Variants in ITPRIPL2 observed in about 807,000 individuals in gnomAD.
The protein encoded by ITPRIPL2 is ITPRIP like 2, also known as inositol 1,4,5-trisphosphate receptor-interacting protein-like 2.
Under a neutral mutation model 31.7 loss-of-function variants are expected in ITPRIPL2, and 29 were observed. The observed-to-expected ratio is 0.91, with a 90% CI of 0.68 to 1.25. ITPRIPL2 has a LOEUF of 1.25. Among genes scored for constraint, ITPRIPL2 ranks in the 50% most tolerant of loss-of-function variants. The pLI is 0.00. For missense variants in ITPRIPL2, 696 were observed against 739.1 expected (o/e 0.94, Z 0.68); for synonymous variants, 344 against 343.4 (o/e 1.00, Z -0.02).
rs753915819 is a variant in ITPRIPL2 at position 19,114,702 on chromosome 16, C to T, written c.241C>T (p.Leu81=). The T allele has an allele frequency of 3.7e-6, 6 of 1,612,630 alleles. No homozygotes were observed. The highest frequency in any genetic ancestry group is 1.3e-5 in the African/African-American group (1 of 74,940). The change falls in exon 1 of 1, where the codon CTG becomes TTG. Residue 81 remains leucine (L), a synonymous_variant. Coordinates refer to ENST00000381440, the MANE Select transcript of ITPRIPL2 (RefSeq NM_001034841.4). Reference sequence around the variant, plus strand: ...GCGCTTCCTGCCCGGGTCTCCCCGTCTGGAGGGTCACGCCGCCTTCTCCTC... The same window carrying T: ...GCGCTTCCTGCCCGGGTCTCCCCGTTTGGAGGGTCACGCCGCCTTCTCCTC... ...RQRFLPGSPR[L]EGHAAFSSRH... is the part of the protein sequence containing the mutation.
Position 19,119,125 on chromosome 16 carries a change from C to T in ITPRIPL2, c.*3056C>T, listed in dbSNP as rs916899770. On this transcript the variant is annotated 3_prime_UTR_variant, in exon 1 of 1. Coordinates refer to ENST00000381440, the MANE Select transcript of ITPRIPL2 (RefSeq NM_001034841.4). ...ACTCCCACTGACCAGTCTTGGGAGC[C>T]TTCCTGGAATGATCGTGGGCTGAGC... 4.8e-6 allele frequency: 2 copies of T among 413,306 alleles called. No individual in the cohort carries two copies. The highest frequency in any genetic ancestry group is 2.1e-5 in the African/African-American group (1 of 48,596). 25.6% of individuals were successfully genotyped at this position (413,306 alleles called of 1,614,324 possible). A position where few individuals can be genotyped will look rare whatever the true frequency, so the allele number is the denominator to read the frequency against.
rs914419484 is a variant in ITPRIPL2 at position 19,121,097 on chromosome 16, C to T, written c.*5028C>T. ...TTAGATACAACTTTATTTTTTTATA[C>T]CTACATAGCACATGACTGGGGGGAT... On this transcript the variant is annotated 3_prime_UTR_variant, in exon 1 of 1. Transcript: ENST00000381440. 1 of 165,608 alleles carries T rather than the reference C, an allele frequency of 6.0e-6. No individual in the cohort carries two copies. Among genetic ancestry groups the T allele is most frequent in the Non-Finnish European group, 1.5e-5 (1 of 67,918 alleles). The allele number at this position is 165,608 out of a possible 1,614,324, so 10.3% of individuals were successfully genotyped here.
Position 19,116,856 on chromosome 16 carries a change from A to C in ITPRIPL2, c.*787A>C, listed in dbSNP as rs1963450676. 6.0e-6 allele frequency: 1 copy of C among 167,124 alleles called. No individual in the cohort carries two copies. Among genetic ancestry groups the C allele is most frequent in the Admixed American group, 6.5e-5 (1 of 15,290 alleles). The allele number at this position is 167,124 out of a possible 1,614,324, so 10.4% of individuals were successfully genotyped here. On this transcript the variant is annotated 3_prime_UTR_variant, in exon 1 of 1. Coordinates refer to ENST00000381440, the MANE Select transcript of ITPRIPL2 (RefSeq NM_001034841.4). ...AAATGTACAACCTTGAAAAGCAGCC[A>C]GCATGCTTGCCTAACTAACATCGCC... is the stretch of plus-strand genomic sequence containing the variant.
chr16:19,114,845 C>T lies in ITPRIPL2; in HGVS notation c.384C>T (p.Gly128=), dbSNP rs748806448. 5 of 1,603,592 alleles carry T rather than the reference C, an allele frequency of 3.1e-6. No homozygotes were observed. Among genetic ancestry groups the T allele is most frequent in the Non-Finnish European group, 4.3e-6 (5 of 1,175,758 alleles). ...AGGCGCACGTGAGCCGGATCGTGGGCGAGCTGGTGCGGGCTGGCCGCGCCC... is the reference window on the plus strand; with the variant it reads ...AGGCGCACGTGAGCCGGATCGTGGGTGAGCTGGTGCGGGCTGGCCGCGCCC... ...HSKAHVSRIV[G]ELVRAGRARG... The change falls in exon 1 of 1, where the codon GGC becomes GGT. Residue 128 remains glycine (G), a synonymous_variant. Transcript: ENST00000381440.
Position 19,118,721 on chromosome 16 carries a change from A to G in ITPRIPL2, c.*2652A>G, listed in dbSNP as rs1225075454. The G allele has an allele frequency of 1.4e-5, 5 of 360,034 alleles. No individual in the cohort carries two copies. Among genetic ancestry groups the G allele is most frequent in the Non-Finnish European group, 2.6e-5 (5 of 193,934 alleles). 22.3% of individuals were successfully genotyped at this position (360,034 alleles called of 1,614,324 possible). On this transcript the variant is annotated 3_prime_UTR_variant, in exon 1 of 1. Transcript: ENST00000381440. The stretch of plus-strand genomic sequence containing the variant: ...AATATTACTGTTTTATTTAAATGCC[A>G]TGCTGAGCAATTGTTCTCTGTACAT...
rs1963424384 is a variant in ITPRIPL2 at position 19,115,312 on chromosome 16, A to G, written c.851A>G (p.Glu284Gly). The change falls in exon 1 of 1, where the codon GAA becomes GGA. Residue 284 changes from glutamate to glycine, a missense_variant. Transcript: ENST00000381440. ...GTCACCTTGACCCCAGGTGGCCTGGAACAGCCCCCCACCTTACACATCTTG... is the reference window on the plus strand; with the variant it reads ...GTCACCTTGACCCCAGGTGGCCTGGGACAGCCCCCCACCTTACACATCTTG... Reference protein sequence around the residue: ...CRVTLTPGGLEQPPTLHILPC... With the variant: ...CRVTLTPGGLGQPPTLHILPC... 6.2e-7 allele frequency: 1 copy of G among 1,613,398 alleles called. No individual in the cohort carries two copies. Among genetic ancestry groups the G allele is most frequent in the African/African-American group, 1.3e-5 (1 of 75,062 alleles).
Position 19,115,041 on chromosome 16 carries a change from G to A in ITPRIPL2, c.580G>A (p.Gly194Ser). 1 of 1,597,784 alleles carries A rather than the reference G, an allele frequency of 6.3e-7. No individual in the cohort carries two copies. Among genetic ancestry groups the A allele is most frequent in the Non-Finnish European group, 8.5e-7 (1 of 1,178,944 alleles). ...PLVALEPRSL[G>S]EEPALAPAFR... is the part of the protein sequence containing the mutation. ...TGTGGCGCTGGAGCCACGGAGCCTG[G>A]GCGAGGAGCCAGCGCTGGCCCCGGC... The change falls in exon 1 of 1, where the codon GGC becomes AGC. Residue 194 changes from glycine to serine, a missense_variant. Coordinates refer to ENST00000381440, the MANE Select transcript of ITPRIPL2 (RefSeq NM_001034841.4).
In ITPRIPL2 at chr16:19,115,544, G is replaced by A; in HGVS notation, c.1083G>A (p.Trp361Ter). 6.2e-7 allele frequency: 1 copy of A among 1,602,680 alleles called. No homozygotes were observed. The change falls in exon 1 of 1, where the codon TGG (tryptophan) becomes TGA (stop). Residue 361 changes from tryptophan (W) to a stop codon, truncating the protein, a stop_gained. Coordinates refer to ENST00000381440, the MANE Select transcript of ITPRIPL2 (RefSeq NM_001034841.4). LOFTEE classifies it high-confidence loss of function. ...TARQEQKLLS[W>*]LQERAAPGAC... ...GCCAGGAGCAGAAGCTGCTGAGTTG[G>A]CTGCAGGAACGGGCAGCTCCAGGTG...
At position 19,116,145 on chromosome 16, in the gene ITPRIPL2, G is replaced by A. The variant is rs878905120; in HGVS notation, c.*76G>A. ...GGGTGGGGGTGGGAATGGCGGTGAA[G>A]CCAGTTAAATGCAAGATTGCAGAAG... On this transcript the variant is annotated 3_prime_UTR_variant, in exon 1 of 1. Coordinates refer to ENST00000381440, the MANE Select transcript of ITPRIPL2 (RefSeq NM_001034841.4). 1 of 1,428,560 alleles carries A rather than the reference G, an allele frequency of 7.0e-7. No individual in the cohort carries two copies. Among genetic ancestry groups the A allele is most frequent in the Non-Finnish European group, 9.5e-7 (1 of 1,055,230 alleles). 88.5% of individuals were successfully genotyped at this position (1,428,560 alleles called of 1,614,324 possible). A position where few individuals can be genotyped will look rare whatever the true frequency, so the allele number is the denominator to read the frequency against.
chr16:19,115,804 G>C lies in ITPRIPL2; in HGVS notation c.1343G>C (p.Arg448Pro), dbSNP rs1343844832. 1.9e-6 allele frequency: 3 copies of C among 1,612,906 alleles called. No homozygotes were observed. The highest frequency in any genetic ancestry group is 2.5e-6 in the Non-Finnish European group (3 of 1,179,952). Reference protein sequence around the residue: ...VQFLRDCLLRRHTLFHCVLGP... With the variant: ...VQFLRDCLLRPHTLFHCVLGP... The stretch of plus-strand genomic sequence containing the variant: ...TTCCTTAGGGACTGCCTGCTGCGAC[G>C]CCATACGCTCTTCCACTGCGTCCTG... Residue 448 changes from arginine (R) to proline (P), a missense_variant, in exon 1 of 1, where the codon CGC (arginine) becomes CCC (proline). Transcript: ENST00000381440.
Position 19,115,355 on chromosome 16 carries a change from C to G in ITPRIPL2, c.894C>G (p.Tyr298Ter), listed in dbSNP as rs1477854205. Reference sequence around the variant, plus strand: ...ACATCTTGCCCTGCCGCACTGACTACGGCTGCTGCCGCCTTTCTATGGCTG... The same window carrying G: ...ACATCTTGCCCTGCCGCACTGACTAGGGCTGCTGCCGCCTTTCTATGGCTG... ...TLHILPCRTD[Y>*]GCCRLSMAVR... Residue 298 changes from tyrosine to a stop codon, truncating the protein, a stop_gained, in exon 1 of 1, where the codon TAC becomes TAG. Transcript: ENST00000381440. LOFTEE classifies it high-confidence loss of function. The G allele has an allele frequency of 1.2e-6, 2 of 1,613,196 alleles. No homozygotes were observed.
rs1963512229 is a variant in ITPRIPL2 at position 19,120,926 on chromosome 16, C to T, written c.*4857C>T. 6.0e-6 allele frequency: 1 copy of T among 166,890 alleles called. No homozygotes were observed. The highest frequency in any genetic ancestry group is 2.1e-4 in the South Asian group (1 of 4,822). 10.3% of individuals were successfully genotyped at this position (166,890 alleles called of 1,614,324 possible). A position where few individuals can be genotyped will look rare whatever the true frequency, so the allele number is the denominator to read the frequency against. ...CTTTTGACCTTGATGAAGACTTTGACTTCTCATCCCTGTCTACATGGAGGA... is the reference window on the plus strand; with the variant it reads ...CTTTTGACCTTGATGAAGACTTTGATTTCTCATCCCTGTCTACATGGAGGA... On this transcript the variant is annotated 3_prime_UTR_variant, in exon 1 of 1. Transcript: ENST00000381440.
In ITPRIPL2 at chr16:19,114,326, C is replaced by G. The variant is rs1471321375; in HGVS notation, c.-136C>G. On this transcript the variant is annotated 5_prime_UTR_variant, in exon 1 of 1. Coordinates refer to ENST00000381440, the MANE Select transcript of ITPRIPL2 (RefSeq NM_001034841.4). ...AGCTGGAGGGCGGCCTCCCTCGGGC[C>G]TGCGTTCGGGAAGCCGCCGCGGAGG... 5.2e-6 allele frequency: 3 copies of G among 578,838 alleles called. No individual in the cohort carries two copies. In the East Asian group the frequency reaches 1.1e-4, roughly 20 times the overall value. 35.9% of individuals were successfully genotyped at this position (578,838 alleles called of 1,614,324 possible). A position where few individuals can be genotyped will look rare whatever the true frequency, so the allele number is the denominator to read the frequency against.
rs57703523 is a variant in ITPRIPL2 at position 19,120,602 on chromosome 16, A to AATATATATATATAT, written c.*4544_*4557dup. The AATATATATATATAT allele has an allele frequency of 1.9e-5, 2 of 106,106 alleles. No homozygotes were observed. The highest frequency in any genetic ancestry group is 8.3e-5 in the African/African-American group (2 of 24,188). The allele number at this position is 106,106 out of a possible 1,614,324, so 6.6% of individuals were successfully genotyped here. On this transcript the variant is annotated 3_prime_UTR_variant, in exon 1 of 1. Coordinates refer to ENST00000381440, the MANE Select transcript of ITPRIPL2 (RefSeq NM_001034841.4). ...CAGGCACCTGCCACCACGCCTGGCT[A>AATATATATATATAT]ATATATATATATATATATATATATT...
rs1963442087 is a variant in ITPRIPL2, at chr16:19,116,108, G to T, written c.*39G>T. 1 of 1,515,352 alleles carries T rather than the reference G, an allele frequency of 6.6e-7. No homozygotes were observed. Among genetic ancestry groups the T allele is most frequent in the South Asian group, 1.3e-5 (1 of 76,268 alleles). 93.9% of individuals were successfully genotyped at this position (1,515,352 alleles called of 1,614,324 possible). A position where few individuals can be genotyped will look rare whatever the true frequency, so the allele number is the denominator to read the frequency against. On this transcript the variant is annotated 3_prime_UTR_variant, in exon 1 of 1. Transcript: ENST00000381440. ...CCCCACCTGACCAAATGCTCCTAAA[G>T]CCTTTCCCACTGGGTGGGGGTGGGA...
rs1326532432 is a variant in ITPRIPL2, at chr16:19,114,584, C to A, written c.123C>A (p.Ala41=). The change falls in exon 1 of 1, where the codon GCC becomes GCA. Residue 41 remains alanine, a synonymous_variant. Coordinates refer to ENST00000381440, the MANE Select transcript of ITPRIPL2 (RefSeq NM_001034841.4). ...GCGGGGGCGCCCGGGCCGAGCCCGC[C>A]GACGGCGTGGATGGCGGCTTCCCGT... The part of the protein sequence containing the change: ...RGSGGARAEP[A]DGVDGGFPLL... The A allele has an allele frequency of 1.3e-6, 2 of 1,571,656 alleles. No homozygotes were observed. The highest frequency in any genetic ancestry group is 1.7e-6 in the Non-Finnish European group (2 of 1,163,102).
rs916058588 is a variant in ITPRIPL2, at chr16:19,120,241, C to T, written c.*4172C>T. ...GGACCACAGGTATGTGCCACTACAC[C>T]CAGCGAATTTTTAAATTATTTGTAG... On this transcript the variant is annotated 3_prime_UTR_variant, in exon 1 of 1. Coordinates refer to ENST00000381440, the MANE Select transcript of ITPRIPL2 (RefSeq NM_001034841.4). 9.5e-5 allele frequency: 15 copies of T among 157,292 alleles called. No individual in the cohort carries two copies. The highest frequency in any genetic ancestry group is 3.1e-4 in the African/African-American group (13 of 41,358). 9.7% of individuals were successfully genotyped at this position (157,292 alleles called of 1,614,324 possible).
Position 19,118,723 on chromosome 16 carries a change from G to A in ITPRIPL2, c.*2654G>A, listed in dbSNP as rs973117141. 2 of 361,594 alleles carry A rather than the reference G, an allele frequency of 5.5e-6. No individual in the cohort carries two copies. Among genetic ancestry groups the A allele is most frequent in the African/African-American group, 4.2e-5 (2 of 47,540 alleles). The allele number at this position is 361,594 out of a possible 1,614,324, so 22.4% of individuals were successfully genotyped here. A position where few individuals can be genotyped will look rare whatever the true frequency, so the allele number is the denominator to read the frequency against. ...TATTACTGTTTTATTTAAATGCCAT[G>A]CTGAGCAATTGTTCTCTGTACATGG... is the stretch of plus-strand genomic sequence containing the variant. On this transcript the variant is annotated 3_prime_UTR_variant, in exon 1 of 1. Transcript: ENST00000381440.
chr16:19,119,314 G>A lies in ITPRIPL2; in HGVS notation c.*3245G>A, dbSNP rs1963483459. 5.4e-6 allele frequency: 2 copies of A among 371,372 alleles called. No individual in the cohort carries two copies. The highest frequency in any genetic ancestry group is 3.0e-4 in the South Asian group (2 of 6,628). The allele number at this position is 371,372 out of a possible 1,614,324, so 23.0% of individuals were successfully genotyped here. A position where few individuals can be genotyped will look rare whatever the true frequency, so the allele number is the denominator to read the frequency against. On this transcript the variant is annotated 3_prime_UTR_variant, in exon 1 of 1. Coordinates refer to ENST00000381440, the MANE Select transcript of ITPRIPL2 (RefSeq NM_001034841.4). ...GGCGTGAGGGTGTGAGAGAGGTTTG[G>A]GTTAGGAAACATGTTTTTAGTGCTA...
Sources: allele counts gnomAD v4.1 joint callset, GRCh38; gene constraint gnomAD v4.1.1; transcripts MANE v1.5; gene names NCBI Gene and HGNC (gene_info 2026-07-23, HGNC 2026-07-21).